CCDC7: variants seen among roughly 807,000 people sequenced by gnomAD.
CCDC7 encodes coiled-coil domain-containing protein 7.
CCDC7 carries 183 observed loss-of-function variants against 196.9 expected under a neutral mutation model. The observed-to-expected ratio is 0.93, with a 90% CI of 0.82 to 1.05. The LOEUF (loss-of-function observed/expected upper bound fraction) is 1.05, where lower values mean the gene tolerates loss of function less well. Among genes scored for constraint, CCDC7 ranks in the 50% least tolerant of loss-of-function variants. The probability of loss-of-function intolerance (pLI) is 0.00; values close to 1 mark genes in which losing one functional copy is unlikely to be tolerated. For synonymous variants in CCDC7, 525 were observed against 484.6 expected, an observed-to-expected ratio of 1.08 and a Z score of -1.10; for missense variants, 1,540 against 1,482.2, an observed-to-expected ratio of 1.04 and a Z score of -0.64.
intron 41 of CCDC7, among the ~76,000 whole-genome samples, chr10:32,860,137 T>C (rs770314644): frequency 2.0e-5 from 3 of 152,152 alleles, no homozygotes; most frequent in Non-Finnish European, 2.9e-5. Context: ...CCAATATCAC[T>C]GATGAACATC....
At chr10:32,522,598 T>C (rs1380479445) in intron 11 of CCDC7, among the ~76,000 whole-genome samples, 1 of 152,132 alleles carries the variant, frequency 6.6e-6, no homozygotes, top group East Asian at 1.9e-4. Flanking sequence ...ATTTTATTTA[T>C]CTTTTCAAAA....
downstream of CCDC7, among the ~76,000 whole-genome samples, chr10:32,879,303 A>C (rs1283182909): frequency 6.6e-6 from 1 of 152,204 alleles, no homozygotes; most frequent in Non-Finnish European, 1.5e-5. Context: ...AGGTGTTCAG[A>C]AAATTCCATA....
chr10:32,679,459 C>T (rs1340938194), intron 21 of CCDC7, among the ~76,000 whole-genome samples: 1 of 152,170 alleles, frequency 6.6e-6, no homozygotes, highest in African/African-American at 2.4e-5. Flanking sequence ...AAGGAAACAA[C>T]TTTCTTGTAA....
At chr10:32,581,343 A>G (rs2058710258) in intron 16 of CCDC7, among the ~76,000 whole-genome samples, 1 of 152,122 alleles carries the variant, frequency 6.6e-6, no homozygotes, top group African/African-American at 2.4e-5. Flanking sequence ...GGTGAAAACA[A>G]CTTGCTTTAT....
chr10:32,703,798 T>C (rs1231628268), intron 24 of CCDC7, among the ~76,000 whole-genome samples: 1 of 152,164 alleles, frequency 6.6e-6, no homozygotes, highest in Non-Finnish European at 1.5e-5. Context: ...TTCTTCCAGT[T>C]GATCGAATCA....
chr10:32,470,434 T>A (rs1402316596), intron 5 of CCDC7, among the ~76,000 whole-genome samples: 1 of 152,182 alleles, frequency 6.6e-6, no homozygotes, highest in Non-Finnish European at 1.5e-5. Flanking sequence ...TTTTGGACAC[T>A]CATTCTTGCT....
intron 9 of CCDC7, chr10:32,511,274 G>GGGGA (rs1564506981): frequency 6.5e-6 from 5 of 774,922 alleles, no homozygotes; most frequent in Admixed American, 2.7e-5. Flanking sequence ...GGGGGGCGGG[G>GGGGA]AAATGTACTT....
chr10:32,845,768 TACACACACAC>T (rs145287806), intron 35 of CCDC7, 98 bp from the exon 37 acceptor site: 7 of 750,662 alleles, frequency 9.3e-6, no homozygotes, highest in East Asian at 2.6e-5. Context: ...CTTCCATAAT[TACACACACAC>T]ACACACACAC....
chr10:32,589,584 TTAAG>T (rs892037984), intron 18 of CCDC7, among the ~76,000 whole-genome samples: 42 of 152,122 alleles, frequency 2.8e-4, no homozygotes, highest in Non-Finnish European at 1.2e-4. Context: ...ATAGTGTAGA[TTAAG>T]TACGAGATTT....
chr10:32,882,741 T>A (rs867013974), exon 23 of CCDC7: 4 of 152,304 alleles, frequency 2.6e-5, no homozygotes, highest in African/African-American at 9.6e-5. Context: ...AGATCAAGCC[T>A]TTTTGTTGCT....
At chr10:32,463,789 C>G (rs150331214) in intron 5 of CCDC7, among the ~76,000 whole-genome samples, 5 of 152,252 alleles carry the variant, frequency 3.3e-5, no homozygotes, top group African/African-American at 1.2e-4. Context: ...CTAGCATCTT[C>G]TCATTGTTTT....
intron 20 of CCDC7, among the ~76,000 whole-genome samples, chr10:32,659,664 G>C (rs1247217853): frequency 6.6e-6 from 1 of 152,074 alleles, no homozygotes; most frequent in Non-Finnish European, 1.5e-5. Context: ...TAAAAAGTGG[G>C]CAAAAGACAT....
Position 32,782,239 on chromosome 10 carries a change from G to T in CCDC7, c.3013+3155G>T, listed in dbSNP as rs200418076. Among the ~76,000 whole-genome samples the T allele has an allele frequency of 5.0e-3, 720 of 144,500 alleles. 2 individuals are homozygous for T. Among genetic ancestry groups the T allele is most frequent in the Non-Finnish European group, 7.5e-3 (493 of 65,504 alleles). 94.8% of individuals were successfully genotyped at this position (144,500 alleles called of 152,430 possible). A position where few individuals can be genotyped will look rare whatever the true frequency, so the allele number is the denominator to read the frequency against. On this transcript the variant is annotated intron_variant, in intron 29 of 41. Coordinates refer to ENST00000639629, the Ensembl canonical transcript of CCDC7. The stretch of plus-strand genomic sequence containing the variant: ...ACTTGTTTTTTTTTTGTTTTTTTTG[G>T]TTTTTTTTTGAGATTGAGTCTTCCT...
At chr10:32,466,498 C>A (rs1207056539) in intron 5 of CCDC7, among the ~76,000 whole-genome samples, 1 of 152,056 alleles carries the variant, frequency 6.6e-6, no homozygotes. Flanking sequence ...CATTTAGCTC[C>A]CACTTATAAG....
At chr10:32,798,416 T>C (rs1322128330) in intron 29 of CCDC7, among the ~76,000 whole-genome samples, 1 of 152,210 alleles carries the variant, frequency 6.6e-6, no homozygotes, top group Non-Finnish European at 1.5e-5. Flanking sequence ...CATTGGGCAA[T>C]GACAGGCGTG....
At chr10:32,706,064 T>C (rs779833149) in intron 24 of CCDC7, among the ~76,000 whole-genome samples, 1 of 152,120 alleles carries the variant, frequency 6.6e-6, no homozygotes, top group Non-Finnish European at 1.5e-5. Context: ...ACTACATAGT[T>C]GGAAGTAAAG....
At chr10:32,474,054 G>A (rs1564383294) in intron 8 of CCDC7, 31 bp downstream of exon 9, 1 of 1,596,310 alleles carries the variant, frequency 6.3e-7, no homozygotes, top group East Asian at 2.2e-5. Context: ...GCATTATTGT[G>A]ATAATAACCT....
At chr10:32,801,466 C>A (rs1423756861) in intron 29 of CCDC7, among the ~76,000 whole-genome samples, 1 of 152,226 alleles carries the variant, frequency 6.6e-6, no homozygotes. Context: ...GGGCCTAAAT[C>A]AATAAATTAA....
intron 20 of CCDC7, among the ~76,000 whole-genome samples, chr10:32,649,371 T>C (rs1014013411): frequency 9.8e-5 from 15 of 152,340 alleles, no homozygotes; most frequent in African/African-American, 3.4e-4. Flanking sequence ...CTTGTAATGT[T>C]TCTGCTGAGA....
Sources: allele counts gnomAD v4.1 joint callset (sites outside exome capture counted in the v4.1 genomes callset), GRCh38; gene constraint gnomAD v4.1.1; transcripts MANE v1.5; gene names NCBI Gene and HGNC (gene_info 2026-07-23, HGNC 2026-07-21).